Variants in PTBP3 observed in about 807,000 individuals in gnomAD.
The protein encoded by PTBP3 is polypyrimidine tract-binding protein 3.
Under a neutral mutation model 58.7 loss-of-function variants are expected in PTBP3, and 20 were observed. The observed-to-expected ratio is 0.34, with a 90% confidence interval of 0.24 to 0.50. PTBP3 has a LOEUF of 0.50. Ranked by LOEUF, PTBP3 falls within the 20% of genes least tolerant of loss-of-function variation. PTBP3 has a pLI of 0.98. For synonymous variants in PTBP3, 185 were observed against 219.8 expected (o/e 0.84, Z 1.40); for missense variants, 509 against 637.2 (o/e 0.80, Z 2.17).
intron 10 of PTBP3, among the ~76,000 whole-genome samples, chr9:112,228,724 C>T (rs935837583): frequency 1.3e-5 from 2 of 152,172 alleles, no homozygotes; most frequent in Admixed American, 6.5e-5. Context: ...TCCCCACTCC[C>T]AGTGCTCACT....
upstream of PTBP3, among the ~76,000 whole-genome samples, chr9:112,338,432 G>A (rs1188764630): frequency 6.6e-6 from 1 of 152,118 alleles, no homozygotes; most frequent in Non-Finnish European, 1.5e-5. Context: ...CTGGTTGAAG[G>A]GTACACAGGA....
chr9:112,304,211 T>C (rs953713328), intron 1 of PTBP3, among the ~76,000 whole-genome samples: 1 of 152,150 alleles, frequency 6.6e-6, no homozygotes, highest in African/African-American at 2.4e-5. Context: ...CAGAGTCCAA[T>C]TGTACAGAAT....
the PTBP3 span, among the ~76,000 whole-genome samples, chr9:112,350,606 A>G: frequency 6.6e-6 from 1 of 152,206 alleles, no homozygotes; most frequent in African/African-American, 2.4e-5. Flanking sequence ...CTAGGAAAAT[A>G]AAAAATGAAC....
intron 2 of PTBP3, among the ~76,000 whole-genome samples, chr9:112,291,183 T>C (rs983684598): frequency 2.6e-5 from 4 of 152,008 alleles, no homozygotes; most frequent in East Asian, 3.9e-4. Flanking sequence ...GATTGTGCCA[T>C]TGCACTCCAG....
At chr9:112,282,633 G>A (rs1220196308) in intron 2 of PTBP3, among the ~76,000 whole-genome samples, 24 of 151,746 alleles carry the variant, frequency 1.6e-4, no homozygotes, top group Admixed American at 1.6e-3. Flanking sequence ...AATGGGTTAA[G>A]TTTATTTTTA....
chr9:112,343,619 G>A, the PTBP3 span, among the ~76,000 whole-genome samples: 3 of 151,706 alleles, frequency 2.0e-5, no homozygotes, highest in Non-Finnish European at 4.4e-5. Flanking sequence ...GTGAAACCCC[G>A]TCTCTACTAA....
At chr9:112,319,898 T>C (rs904983553) in intron 1 of PTBP3, among the ~76,000 whole-genome samples, 15 of 152,284 alleles carry the variant, frequency 9.9e-5, no homozygotes, top group Middle Eastern at 3.4e-3. Context: ...CGGAGGACAC[T>C]GCGTTAAGCA....
chr9:112,334,471 G>GTA (rs575442135), upstream of PTBP3, among the ~76,000 whole-genome samples: 334 of 152,226 alleles, frequency 2.2e-3, 1 homozygote, highest in African/African-American at 7.6e-3. Flanking sequence ...TGAGCAAAAA[G>GTA]TATATATATA....
At chr9:112,361,912 C>CT in the PTBP3 span, among the ~76,000 whole-genome samples, 9 of 152,052 alleles carry the variant, frequency 5.9e-5, no homozygotes, top group East Asian at 1.9e-4. Flanking sequence ...TGTTACTTTC[C>CT]TTTTTTTTAT....
At chr9:112,354,984 T>A in the PTBP3 span, among the ~76,000 whole-genome samples, 3 of 152,290 alleles carry the variant, frequency 2.0e-5, no homozygotes, top group Admixed American at 2.0e-4. Context: ...TTAATGCCTG[T>A]CTTTGGGAGA....
chr9:112,257,096 G>GC (rs1491322499), intron 5 of PTBP3, among the ~76,000 whole-genome samples: 1 of 152,018 alleles, frequency 6.6e-6, no homozygotes, highest in Admixed American at 6.6e-5. Context: ...TTCAACAATG[G>GC]CCTAAAGCAC....
chr9:112,291,419 A>G (rs896905570), intron 2 of PTBP3, among the ~76,000 whole-genome samples: 1 of 152,220 alleles, frequency 6.6e-6, no homozygotes, highest in Admixed American at 6.5e-5. Flanking sequence ...CGCCAAAGCA[A>G]TCTTGAGAAA....
chr9:112,278,315 G>A (rs1461565720), intron 2 of PTBP3, among the ~76,000 whole-genome samples: 2 of 152,282 alleles, frequency 1.3e-5, no homozygotes, highest in Admixed American at 6.5e-5. Context: ...GGACGGGGGC[G>A]AGAGTTGAAC....
At chr9:112,371,894 T>C in the PTBP3 span, among the ~76,000 whole-genome samples, 2 of 152,018 alleles carry the variant, frequency 1.3e-5, no homozygotes, top group Non-Finnish European at 2.9e-5. Context: ...CCACCACATC[T>C]GGCTAATGGC....
At chr9:112,347,562 C>T in the PTBP3 span, among the ~76,000 whole-genome samples, 4 of 151,950 alleles carry the variant, frequency 2.6e-5, no homozygotes, top group Admixed American at 6.6e-5. Context: ...AGGCTGGTCT[C>T]GAACTCTTGG....
chr9:112,248,950 C>A (rs1166228476), intron 7 of PTBP3, among the ~76,000 whole-genome samples: 7 of 152,132 alleles, frequency 4.6e-5, no homozygotes, highest in Admixed American at 2.6e-4. Flanking sequence ...TGAGCAACAG[C>A]CACATGTATG....
At chr9:112,364,037 T>C in the PTBP3 span, among the ~76,000 whole-genome samples, 2 of 152,212 alleles carry the variant, frequency 1.3e-5, no homozygotes, top group African/African-American at 4.8e-5. Context: ...CTGATCCTTT[T>C]TACTGTCTCC....
At chr9:112,362,776 T>G in the PTBP3 span, 1 of 264,190 alleles carries the variant, frequency 3.8e-6, no homozygotes, top group Non-Finnish European at 7.6e-6. Flanking sequence ...AGAAGTTCAT[T>G]CACCACCAGT....
At chr9:112,351,951 C>G in the PTBP3 span, among the ~76,000 whole-genome samples, 1 of 146,630 alleles carries the variant, frequency 6.8e-6, no homozygotes, top group East Asian at 2.0e-4. Context: ...ACTCTAGTTC[C>G]TTTTTTTTTT....
Sources: gnomAD v4.1 joint callset for allele counts (sites outside exome capture counted in the v4.1 genomes callset) on GRCh38, gnomAD v4.1.1 for gene constraint, MANE v1.5 for transcripts, NCBI Gene and HGNC (gene_info 2026-07-23, HGNC 2026-07-21) for gene names.